PRKCE: variants seen among roughly 807,000 people sequenced by gnomAD.
PRKCE encodes protein kinase C epsilon type.
PRKCE carries 16 observed loss-of-function variants against 85.4 expected under a neutral mutation model. The observed-to-expected ratio is 0.19, with a 90% CI of 0.13 to 0.28. The LOEUF (loss-of-function observed/expected upper bound fraction) is 0.28. PRKCE is among the 10% of genes least tolerant of loss of function. The pLI is 1.00. For missense variants in PRKCE, 573 were observed against 975.2 expected, an observed-to-expected ratio of 0.59 and a Z score of 5.49; for synonymous variants, 388 against 371.5, an observed-to-expected ratio of 1.04 and a Z score of -0.51.
At chr2:46,072,428 C>T (rs1668158199) in intron 10 of PRKCE, among the ~76,000 whole-genome samples, 1 of 152,218 alleles carries the variant, frequency 6.6e-6, no homozygotes, top group Non-Finnish European at 1.5e-5. Flanking sequence ...TTCTTGCCAT[C>T]ATGAAATGGT....
chr2:45,716,665 GAAAAA>G (rs1680130367), intron 1 of PRKCE, among the ~76,000 whole-genome samples: 1 of 126,962 alleles, frequency 7.9e-6, no homozygotes, highest in Admixed American at 8.6e-5. Flanking sequence ...AGAAGGAGAA[GAAAAA>G]GAAGAAGAAG....
At chr2:45,939,315 T>C (rs1040962616) in intron 2 of PRKCE, among the ~76,000 whole-genome samples, 1 of 152,202 alleles carries the variant, frequency 6.6e-6, no homozygotes, top group Non-Finnish European at 1.5e-5. Flanking sequence ...AAGCCAGCAC[T>C]GCCACCTTCC....
intron 2 of PRKCE, among the ~76,000 whole-genome samples, chr2:45,940,757 TA>T (rs897893220): frequency 2.0e-5 from 3 of 152,040 alleles, no homozygotes; most frequent in Non-Finnish European, 4.4e-5. Context: ...TTACAAGAAT[TA>T]AAAAGTTGAT....
At chr2:45,836,563 G>T (rs1420975872) in intron 1 of PRKCE, among the ~76,000 whole-genome samples, 1 of 152,206 alleles carries the variant, frequency 6.6e-6, no homozygotes, top group Admixed American at 6.5e-5. Flanking sequence ...TGTCCAGCTG[G>T]CCTCTCCCAT....
chr2:45,742,039 T>G (rs893436564), intron 1 of PRKCE, among the ~76,000 whole-genome samples: 1 of 152,134 alleles, frequency 6.6e-6, no homozygotes, highest in Non-Finnish European at 1.5e-5. Context: ...GCTCTCCATC[T>G]CATTCTTGGG....
intron 1 of PRKCE, among the ~76,000 whole-genome samples, chr2:45,805,675 CA>C (rs1273769674): frequency 6.6e-6 from 1 of 150,862 alleles, no homozygotes; most frequent in African/African-American, 2.4e-5. Flanking sequence ...TGGCCCACTG[CA>C]ACCTCCGCCT....
Position 45,699,973 on chromosome 2 carries a change from G to A in PRKCE, c.348+47525G>A, listed in dbSNP as rs558265189. Among the ~76,000 whole-genome samples the A allele has an allele frequency of 7.9e-5, 12 of 152,230 alleles. No individual in the cohort carries two copies. In the East Asian group the frequency reaches 2.1e-3, roughly 27 times the overall value. ...GTAGCAGGTGGGGTGATAGCTCTCTGGTTTTCCTGTGATTTCTAGGTGTAA... is the reference window on the plus strand; with the variant it reads ...GTAGCAGGTGGGGTGATAGCTCTCTAGTTTTCCTGTGATTTCTAGGTGTAA... On this transcript the variant is annotated intron_variant, in intron 1 of 14. Coordinates refer to ENST00000306156, the MANE Select transcript of PRKCE (RefSeq NM_005400.3).
chr2:46,055,980 C>G (rs1041576543), intron 10 of PRKCE, among the ~76,000 whole-genome samples: 1 of 152,136 alleles, frequency 6.6e-6, no homozygotes, highest in East Asian at 1.9e-4. Context: ...CTAATTTTTG[C>G]ATGCCAACCC....
At chr2:45,817,454 GA>G (rs1439949188) in intron 1 of PRKCE, among the ~76,000 whole-genome samples, 1 of 152,130 alleles carries the variant, frequency 6.6e-6, no homozygotes, top group East Asian at 1.9e-4. Flanking sequence ...ATCACTTTGG[GA>G]GGCTGAGGAG....
chr2:45,961,484 G>T (rs1251106602), intron 2 of PRKCE, among the ~76,000 whole-genome samples: 1 of 152,196 alleles, frequency 6.6e-6, no homozygotes. Flanking sequence ...GGCACTAAAA[G>T]TCTTGTTATT....
intron 1 of PRKCE, among the ~76,000 whole-genome samples, chr2:45,761,243 C>G (rs1040006038): frequency 7.1e-6 from 1 of 140,218 alleles, no homozygotes; most frequent in Non-Finnish European, 1.5e-5. Context: ...AGGAGAATGG[C>G]GTGAACCCGG....
intron 2 of PRKCE, among the ~76,000 whole-genome samples, chr2:45,865,818 T>TTC (rs71416115): frequency 0.3 from 24,664 of 81,220 alleles, 2,024 homozygotes; most frequent in East Asian, 0.54. Flanking sequence ...TCTTCTTCTT[T>TTC]TTTTTTTTTT....
At position 46,145,288 on chromosome 2, in the gene PRKCE, C is replaced by A. The variant is rs553992398; in HGVS notation, c.1731+57C>A. On this transcript the variant is annotated intron_variant, in intron 12 of 14. Transcript: ENST00000306156. The surrounding 1 kb of genome is among the most constrained non-coding windows in gnomAD (Gnocchi z 4.6). ...CTGGTGCCAGGACCGAGGCAGGGGT[C>A]CAAACCCATGCACTGGGGTCATCTA... is the stretch of plus-strand genomic sequence containing the variant. 6 of 1,589,180 alleles carry A rather than the reference C, an allele frequency of 3.8e-6. No individual in the cohort carries two copies. Among genetic ancestry groups the A allele is most frequent in the Non-Finnish European group, 5.1e-6 (6 of 1,172,274 alleles).
intron 14 of PRKCE, among the ~76,000 whole-genome samples, chr2:46,183,474 A>G (rs771324781): frequency 3.9e-5 from 6 of 152,228 alleles, no homozygotes; most frequent in Non-Finnish European, 8.8e-5. Context: ...AATCCTGGGT[A>G]ATACCAGTTA....
chr2:45,681,237 C>A (rs764988922), intron 1 of PRKCE, among the ~76,000 whole-genome samples: 1 of 128,236 alleles, frequency 7.8e-6, no homozygotes, highest in South Asian at 2.5e-4. Flanking sequence ...TGCAGTGAGC[C>A]GAGATCACCC....
intron 1 of PRKCE, among the ~76,000 whole-genome samples, chr2:45,717,201 T>C (rs1680204377): frequency 6.6e-6 from 1 of 152,162 alleles, no homozygotes; most frequent in African/African-American, 2.4e-5. Flanking sequence ...AGAATTACAG[T>C]GAAGGAGGAG....
At chr2:45,814,767 G>T (rs1221288639) in intron 1 of PRKCE, among the ~76,000 whole-genome samples, 2 of 152,174 alleles carry the variant, frequency 1.3e-5, no homozygotes, top group Non-Finnish European at 2.9e-5. Flanking sequence ...CCTAGCTCTG[G>T]ACAGTGTCTT....
intron 10 of PRKCE, among the ~76,000 whole-genome samples, chr2:46,017,023 C>CT (rs11393310): frequency 0.99 from 146,132 of 147,274 alleles, 72,501 homozygotes; most frequent in Middle Eastern, 1. Context: ...TTCACTCCCC[C>CT]TTTTTTTTTT....
intron 14 of PRKCE, among the ~76,000 whole-genome samples, chr2:46,175,611 C>T (rs371082131): frequency 6.6e-6 from 1 of 152,196 alleles, no homozygotes; most frequent in African/African-American, 2.4e-5. Context: ...ACTGGAGAAG[C>T]AGGCATGGAA....
Sources: gnomAD v4.1 joint callset for allele counts (sites outside exome capture counted in the v4.1 genomes callset) on GRCh38, gnomAD v4.1.1 for gene constraint, Gnocchi (gnomAD v3.1) non-coding constraint, MANE v1.5 for transcripts, NCBI Gene and HGNC (gene_info 2026-07-23, HGNC 2026-07-21) for gene names.